Variants in DEAF1 observed in about 807,000 individuals in gnomAD.
DEAF1 encodes DEAF1 transcription factor.
A neutral mutation model predicts 58.9 loss-of-function variants in DEAF1; 53 were observed. The observed-to-expected ratio is 0.90, with a 90% CI of 0.72 to 1.13. The LOEUF (loss-of-function observed/expected upper bound fraction) is 1.13. Ranked by LOEUF, DEAF1 falls within the 50% of genes most tolerant of loss-of-function variation. The pLI is 0.00. For missense variants in DEAF1, 685 were observed against 791.4 expected (o/e 0.87, Z 1.61); for synonymous variants, 385 against 340.4 (o/e 1.13, Z -1.44).
intron 9 of DEAF1, among the ~76,000 whole-genome samples, chr11:675,484 G>A (rs1469398343): frequency 2.0e-5 from 3 of 152,150 alleles, no homozygotes; most frequent in East Asian, 1.9e-4. Context: ...AGCCATGACT[G>A]CGCCACCGTC....
At chr11:654,753 C>T in intron 10 of DEAF1, 1 of 404,370 alleles carries the variant, frequency 2.5e-6, no homozygotes, top group Non-Finnish European at 5.0e-6. Flanking sequence ...CCTGTAATCC[C>T]AGCTACCTGG....
chr11:648,065 G>A lies in DEAF1; in HGVS notation c.1594-3411C>T, dbSNP rs575483589. Among the ~76,000 whole-genome samples the A allele has an allele frequency of 3.6e-3, 535 of 150,088 alleles. 9 individuals are homozygous for A. The highest frequency in any genetic ancestry group is 5.7e-3 in the Non-Finnish European group (383 of 67,250). ...TTGACCCAGGCGGTGCTGGGAGCAG[G>A]TGGGTGGACTTGACCCAGGCGGTGC... On this transcript the variant is annotated intron_variant, in intron 11 of 11. Coordinates refer to ENST00000382409, the MANE Select transcript of DEAF1 (RefSeq NM_021008.4).
intron 10 of DEAF1, among the ~76,000 whole-genome samples, chr11:660,385 A>G (rs951279460): frequency 2.0e-5 from 3 of 152,134 alleles, no homozygotes; most frequent in African/African-American, 4.8e-5. Context: ...CACACACCTC[A>G]TCCCAGGTCA....
At chr11:684,227 G>C (rs1246912598) in intron 6 of DEAF1, among the ~76,000 whole-genome samples, 1 of 151,108 alleles carries the variant, frequency 6.6e-6, no homozygotes, top group East Asian at 1.9e-4. Flanking sequence ...AGACCAGCCT[G>C]ACCAACATGG....
At chr11:705,748 C>G (rs950187149) in intron 1 of DEAF1, among the ~76,000 whole-genome samples, 2 of 152,186 alleles carry the variant, frequency 1.3e-5, no homozygotes, top group Non-Finnish European at 2.9e-5. Context: ...GCACCTGGCC[C>G]GGCGGAGGCT....
chr11:687,950 T>C lies in DEAF1; in HGVS notation c.625A>G (p.Asn209Asp), dbSNP rs1860670188. The C allele has an allele frequency of 6.2e-7, 1 of 1,614,116 alleles. No homozygotes were observed. ...TTCTTGTACAGAGTGCCGCTGATGT[T>C]CCGGCACCGTACGGGCAGCTCACTG... is the stretch of plus-strand genomic sequence containing the variant. The part of the protein sequence containing the change: ...YDSELPVRCR[N>D]ISGTLYKNRL... The change falls in exon 4 of 12, where the codon AAC becomes GAC. Residue 209 changes from asparagine to aspartate, a missense_variant. Asn to Asp is a conservative substitution (Grantham distance 23, BLOSUM62 1). This residue lies in a region of DEAF1 where 132 missense variants were observed against 234.3 expected (regional missense o/e 0.56). Transcript: ENST00000382409.
intron 10 of DEAF1, among the ~76,000 whole-genome samples, chr11:657,907 G>A (rs973342761): frequency 6.6e-6 from 1 of 152,164 alleles, no homozygotes; most frequent in African/African-American, 2.4e-5. Flanking sequence ...TCCCACAGGT[G>A]GCAGCGGGGA....
chr11:687,817 G>A, intron 4 of DEAF1, 94 bp downstream of exon 4: 7 of 1,548,422 alleles, frequency 4.5e-6, no homozygotes, highest in Admixed American at 1.7e-5. Flanking sequence ...ACTAGTTCTA[G>A]GTGCCATGAT....
At chr11:692,960 G>A (rs1035079048) in intron 1 of DEAF1, among the ~76,000 whole-genome samples, 2 of 152,156 alleles carry the variant, frequency 1.3e-5, no homozygotes, top group Admixed American at 6.5e-5. Context: ...GGCATGCGGC[G>A]CGCGGCCACA....
intron 10 of DEAF1, among the ~76,000 whole-genome samples, chr11:659,073 G>A (rs1183993524): frequency 1.3e-5 from 2 of 152,032 alleles, no homozygotes; most frequent in African/African-American, 4.8e-5. Context: ...TATTCTTTCT[G>A]CAAATAAAAC....
At chr11:674,089 G>A in intron 10 of DEAF1, 1 of 269,224 alleles carries the variant, frequency 3.7e-6, no homozygotes, top group Non-Finnish European at 7.3e-6. Context: ...CCAGAAGCTG[G>A]GAGGGCTTTG....
rs1215391884 is a variant in DEAF1 at position 695,109 on chromosome 11, AGCCCGAAGCGGG to A, written c.-74_-63del. The A allele has an allele frequency of 1.7e-5, 23 of 1,374,266 alleles. No individual in the cohort carries two copies. Among genetic ancestry groups the A allele is most frequent in the Admixed American group, 3.3e-5 (1 of 30,462 alleles). 85.1% of individuals were successfully genotyped at this position (1,374,266 alleles called of 1,614,324 possible). Reference sequence around the variant, plus strand: ...GGACCGCCCGAAGCGCCGGTCGCGGAGCCCGAAGCGGGGCCCGAAGAGGACGCCCGAGCTGGG... The same window carrying A: ...GGACCGCCCGAAGCGCCGGTCGCGGAGCCCGAAGAGGACGCCCGAGCTGGG... On this transcript the variant is annotated 5_prime_UTR_variant, in exon 1 of 12. Coordinates refer to ENST00000382409, the MANE Select transcript of DEAF1 (RefSeq NM_021008.4).
At chr11:694,044 G>C (rs1454351501) in intron 1 of DEAF1, among the ~76,000 whole-genome samples, 1 of 152,168 alleles carries the variant, frequency 6.6e-6, no homozygotes, top group Non-Finnish European at 1.5e-5. Context: ...GCTCCCCAGC[G>C]CTCAGGTCAT....
intron 9 of DEAF1, 104 bp downstream of exon 9, chr11:678,590 C>A (rs1860186875): frequency 6.4e-7 from 1 of 1,572,916 alleles, no homozygotes; most frequent in Admixed American, 1.7e-5. Context: ...TCAACAAAAA[C>A]AACAAACCAA....
intron 11 of DEAF1, among the ~76,000 whole-genome samples, chr11:653,234 G>C (rs1484057296): frequency 6.8e-6 from 1 of 147,316 alleles, no homozygotes; most frequent in Admixed American, 6.9e-5. Flanking sequence ...AATAATAGAG[G>C]AACTGTGGAC....
intron 1 of DEAF1, chr11:703,587 G>C (rs1321867006): frequency 1.2e-5 from 15 of 1,233,268 alleles, no homozygotes; most frequent in Non-Finnish European, 1.4e-5. Context: ...TGAGATCCCA[G>C]TTTACTCCGT....
rs1564945242 is a variant in DEAF1, at chr11:681,006, G to T, written c.954C>A (p.Ser318=). The T allele has an allele frequency of 6.2e-7, 1 of 1,614,012 alleles. No individual in the cohort carries two copies. The highest frequency in any genetic ancestry group is 1.1e-5 in the South Asian group (1 of 91,064). ...CTGGAAGCAATGTGATGTTCTTGGGGGAGTCCTTCTTCACGGGAGTTGTGG... is the reference window on the plus strand; with the variant it reads ...CTGGAAGCAATGTGATGTTCTTGGGTGAGTCCTTCTTCACGGGAGTTGTGG... The part of the protein sequence containing the change: ...ELPTTPVKKD[S]PKNITLLPAT... Residue 318 remains serine, a synonymous_variant, in exon 7 of 12, where the codon TCC becomes TCA. Transcript: ENST00000382409.
intron 10 of DEAF1, among the ~76,000 whole-genome samples, chr11:661,496 G>C (rs1859318253): frequency 6.6e-6 from 1 of 152,046 alleles, no homozygotes; most frequent in Admixed American, 6.5e-5. Context: ...GATCACCGGA[G>C]GTCAGGGGTT....
rs1202949072 is a variant in DEAF1 at position 688,757 on chromosome 11, A to G, written c.388-297T>C. ...CAAGAAACACCCTCCCTTCCACCTG[A>G]GCCGCTCCCACAAGGTCACCGTCTT... is the stretch of plus-strand genomic sequence containing the variant. On this transcript the variant is annotated intron_variant, in intron 2 of 11. Transcript: ENST00000382409. The surrounding 1 kb of genome is among the most constrained non-coding windows in gnomAD (Gnocchi z 4.3). 2.0e-5 allele frequency among the ~76,000 whole-genome samples: 3 copies of G among 152,312 alleles called. No individual in the cohort carries two copies. In the East Asian group the frequency reaches 5.8e-4, roughly 29 times the overall value.
Sources: gnomAD v4.1 joint callset for allele counts (sites outside exome capture counted in the v4.1 genomes callset) on GRCh38, gnomAD v4.1.1 for gene constraint, gnomAD v4.1.1 regional missense constraint, Gnocchi (gnomAD v3.1) non-coding constraint, MANE v1.5 for transcripts, NCBI Gene and HGNC (gene_info 2026-07-23, HGNC 2026-07-21) for gene names.